Variants in SYNRG observed in about 807,000 individuals in gnomAD.
SYNRG encodes AP1 gamma subunit binding protein 1.
SYNRG carries 37 observed loss-of-function variants against 130.9 expected under a neutral mutation model. The ratio of observed to expected loss-of-function variants is 0.28; its 90% CI spans 0.22 to 0.37. The LOEUF (loss-of-function observed/expected upper bound fraction) is 0.37, where lower values mean the gene tolerates loss of function less well. SYNRG is among the 10% of genes least tolerant of loss of function. The pLI is 1.00. For missense variants in SYNRG, 1,338 were observed against 1,588.9 expected, an observed-to-expected ratio of 0.84 and a Z score of 2.68; for synonymous variants, 539 against 568.1, an observed-to-expected ratio of 0.95 and a Z score of 0.73.
intron 4 of SYNRG, among the ~76,000 whole-genome samples, chr17:37,585,901 C>T (rs1307845641): frequency 1.3e-5 from 2 of 152,158 alleles, no homozygotes; most frequent in Non-Finnish European, 2.9e-5. Flanking sequence ...TCCTGGACTT[C>T]ACTTTCACTA....
At chr17:37,558,335 GATGTCCC>G (rs2145559941) in intron 13 of SYNRG, among the ~76,000 whole-genome samples, 1 of 152,268 alleles carries the variant, frequency 6.6e-6, no homozygotes, top group Admixed American at 6.5e-5. Flanking sequence ...ATTGCTGAAG[GATGTCCC>G]AAGTTTGAGC....
chr17:37,565,928 CTG>C (rs2059934143), intron 11 of SYNRG, among the ~76,000 whole-genome samples: 3 of 145,314 alleles, frequency 2.1e-5, no homozygotes, highest in Non-Finnish European at 4.4e-5. Context: ...GGTCAGCCCC[CTG>C]CCCGGCCAGC....
At chr17:37,527,820 C>A (rs560351114) in intron 19 of SYNRG, among the ~76,000 whole-genome samples, 6 of 152,112 alleles carry the variant, frequency 3.9e-5, no homozygotes, top group African/African-American at 1.4e-4. Flanking sequence ...ATTCCCCCCC[C>A]ATGGACAGGG....
chr17:37,524,987 A>G (rs1251664646), intron 19 of SYNRG, among the ~76,000 whole-genome samples: 3 of 152,236 alleles, frequency 2.0e-5, no homozygotes, highest in African/African-American at 7.2e-5. Flanking sequence ...CAAAGGCATA[A>G]GGAAAGCAAA....
At chr17:37,561,010 T>C (rs571047580) in intron 13 of SYNRG, among the ~76,000 whole-genome samples, 185 bp downstream of exon 13, 35 of 152,304 alleles carry the variant, frequency 2.3e-4, no homozygotes, top group African/African-American at 7.5e-4. Flanking sequence ...AGAATACTTA[T>C]AGTTTGAGTA....
At chr17:37,582,156 C>T (rs1479723880) in intron 6 of SYNRG, among the ~76,000 whole-genome samples, 3 of 152,008 alleles carry the variant, frequency 2.0e-5, no homozygotes, top group Non-Finnish European at 4.4e-5. Flanking sequence ...ACTTGAAGCT[C>T]AGGAGTAGTC....
chr17:37,601,794 A>G (rs1259442436), intron 1 of SYNRG, among the ~76,000 whole-genome samples: 1 of 151,928 alleles, frequency 6.6e-6, no homozygotes, highest in Non-Finnish European at 1.5e-5. Context: ...CCTCCTATGT[A>G]GCTGGGACTA....
intron 13 of SYNRG, among the ~76,000 whole-genome samples, chr17:37,555,634 C>T (rs1339117574): frequency 1.3e-5 from 2 of 152,172 alleles, no homozygotes; most frequent in African/African-American, 4.8e-5. Flanking sequence ...AACACAGTGG[C>T]TCACACCTGT....
chr17:37,535,855 A>T, intron 19 of SYNRG, 124 bp downstream of exon 19: 1 of 1,302,966 alleles, frequency 7.7e-7, no homozygotes, highest in Non-Finnish European at 1.1e-6. Context: ...TCCCTCCTTT[A>T]ATATAACATG....
At chr17:37,575,450 TTAAAAA>T (rs2060744940) in intron 8 of SYNRG, among the ~76,000 whole-genome samples, 2 of 132,134 alleles carry the variant, frequency 1.5e-5, no homozygotes, top group African/African-American at 5.2e-5. Context: ...GCCACAAAAA[TTAAAAA>T]TAAATTTTTT....
chr17:37,586,342 C>G, intron 4 of SYNRG, 77 bp downstream of exon 4: 1 of 1,577,860 alleles, frequency 6.3e-7, no homozygotes, highest in Non-Finnish European at 8.6e-7. Flanking sequence ...CAAATCTGCA[C>G]TAGAGATCAT....
chr17:37,555,299 GTAT>G (rs780843725), intron 13 of SYNRG, among the ~76,000 whole-genome samples: 1 of 152,156 alleles, frequency 6.6e-6, no homozygotes, highest in Non-Finnish European at 1.5e-5. Context: ...GCTAATTTTT[GTAT>G]TTTTAGTAGA....
At chr17:37,552,405 A>G (rs1470627757) in intron 14 of SYNRG, among the ~76,000 whole-genome samples, 2 of 152,166 alleles carry the variant, frequency 1.3e-5, no homozygotes, top group Non-Finnish European at 2.9e-5. Context: ...GCTCCCTAAT[A>G]AGATGTTTTC....
intron 15 of SYNRG, 113 bp downstream of exon 15, chr17:37,541,859 T>C: frequency 9.6e-7 from 1 of 1,039,746 alleles, no homozygotes; most frequent in Non-Finnish European, 1.4e-6. Context: ...ATTTCAAAGA[T>C]TAGAACAATC....
rs372409885 is a variant in SYNRG at position 37,588,355 on chromosome 17, CGGGCTAAA to C, written c.241-1814_241-1807del. Among the ~76,000 whole-genome samples the C allele has an allele frequency of 2.0e-3, 305 of 151,406 alleles. 3 individuals carry two copies. Among genetic ancestry groups the C allele is most frequent in the South Asian group, 9.6e-3 (46 of 4,792 alleles). On this transcript the variant is annotated intron_variant, in intron 3 of 21. Coordinates refer to ENST00000612223, the MANE Select transcript of SYNRG (RefSeq NM_007247.6). Reference sequence around the variant, plus strand: ...TCAGCTCACTGCAACCTCCACCTCCCGGGCTAAAGTGATTCTCCCACCTCAGCCTCCCA... The same window carrying C: ...TCAGCTCACTGCAACCTCCACCTCCCGTGATTCTCCCACCTCAGCCTCCCA...
At chr17:37,562,937 T>TA in intron 11 of SYNRG, among the ~76,000 whole-genome samples, 2 of 152,302 alleles carry the variant, frequency 1.3e-5, no homozygotes, top group East Asian at 3.9e-4. Flanking sequence ...AAAATCTTTC[T>TA]ACTAAATGTT....
intron 11 of SYNRG, among the ~76,000 whole-genome samples, chr17:37,565,912 TGGGGGGG>T (rs2059931381): frequency 7.6e-6 from 1 of 131,156 alleles, no homozygotes; most frequent in Admixed American, 7.4e-5. Context: ...GGGAGGGAGG[TGGGGGGG>T]TCAGCCCCCT....
chr17:37,591,026 G>A (rs988597460), intron 3 of SYNRG, among the ~76,000 whole-genome samples: 2 of 151,926 alleles, frequency 1.3e-5, no homozygotes, highest in Non-Finnish European at 2.9e-5. Context: ...AAACAAACGT[G>A]GCATATTAAA....
intron 19 of SYNRG, among the ~76,000 whole-genome samples, chr17:37,532,117 AT>A (rs1403458163): frequency 1.3e-5 from 2 of 152,260 alleles, no homozygotes; most frequent in African/African-American, 4.8e-5. Flanking sequence ...CTGAATGCAT[AT>A]TAAGTCCTTT....
Sources: gnomAD v4.1 joint callset for allele counts (sites outside exome capture counted in the v4.1 genomes callset) on GRCh38, gnomAD v4.1.1 for gene constraint, MANE v1.5 for transcripts, NCBI Gene and HGNC (gene_info 2026-07-23, HGNC 2026-07-21) for gene names.